ZNG1C: variants seen among roughly 807,000 people sequenced by gnomAD.
ZNG1C encodes the protein zinc-regulated GTPase metalloprotein activator 1C.
the ZNG1C span, chr9:68,299,174 T>G: frequency 8.6e-5 from 122 of 1,423,396 alleles, no homozygotes; most frequent in Non-Finnish European, 1.1e-4. Context: ...TTAAACAGAT[T>G]AACCATTCAG....
chr9:68,293,882 C>T, the ZNG1C span, among the ~76,000 whole-genome samples: 17 of 149,098 alleles, frequency 1.1e-4, no homozygotes, highest in South Asian at 1.7e-3. Flanking sequence ...ACAGAATATA[C>T]GTTCTGTTCA....
chr9:68,292,138 A>G, the ZNG1C span, among the ~76,000 whole-genome samples: 3 of 152,308 alleles, frequency 2.0e-5, no homozygotes, highest in African/African-American at 7.2e-5. Flanking sequence ...GGGAGAGAGT[A>G]CTACATCAAG....
At chr9:68,276,623 G>A in the ZNG1C span, among the ~76,000 whole-genome samples, 51 of 141,578 alleles carry the variant, frequency 3.6e-4, no homozygotes, top group African/African-American at 1.2e-3. Flanking sequence ...GTAGATATGC[G>A]GCGTTATTTC....
the ZNG1C span, among the ~76,000 whole-genome samples, chr9:68,275,644 AG>A: frequency 1.7e-5 from 2 of 117,850 alleles, no homozygotes; most frequent in Admixed American, 9.6e-5. Flanking sequence ...GTCCCTACAA[AG>A]GACATGAACT....
At chr9:68,288,651 T>TTG in the ZNG1C span, among the ~76,000 whole-genome samples, 1 of 13,928 alleles carries the variant, frequency 7.2e-5, no homozygotes, top group Non-Finnish European at 4.8e-4. Context: ...TTTTGTATTT[T>TTG]TTTTTTTTTT....
chr9:68,290,931 T>C, the ZNG1C span, among the ~76,000 whole-genome samples: 1 of 151,604 alleles, frequency 6.6e-6, no homozygotes, highest in Non-Finnish European at 1.5e-5. Context: ...TCAGACTGCA[T>C]AAGATTACGA....
At chr9:68,281,197 G>A in the ZNG1C span, among the ~76,000 whole-genome samples, 4 of 152,210 alleles carry the variant, frequency 2.6e-5, no homozygotes, top group Non-Finnish European at 4.4e-5. Flanking sequence ...GCTTTGGCTC[G>A]CGGATGGAGC....
the ZNG1C span, chr9:68,273,866 G>T: frequency 1.3e-5 from 1 of 76,538 alleles, no homozygotes. Context: ...TTTTGAGGCG[G>T]AGTCTCACTC....
At chr9:68,296,664 C>T in the ZNG1C span, among the ~76,000 whole-genome samples, 3 of 151,952 alleles carry the variant, frequency 2.0e-5, no homozygotes, top group South Asian at 6.2e-4. Flanking sequence ...TTATTTTCTA[C>T]CTTTTTAAAT....
the ZNG1C span, among the ~76,000 whole-genome samples, chr9:68,275,241 A>G: frequency 0.069 from 7,751 of 112,758 alleles, 84 homozygotes; most frequent in East Asian, 0.17. Context: ...TGAAATACAT[A>G]GAAAATTTTA....
the ZNG1C span, among the ~76,000 whole-genome samples, chr9:68,295,891 G>A: frequency 1.4e-5 from 1 of 70,850 alleles, no homozygotes; most frequent in South Asian, 5.1e-4. Flanking sequence ...CAACCACTAT[G>A]GAAAACAGTG....
At chr9:68,262,078 G>A in the ZNG1C span, among the ~76,000 whole-genome samples, 1 of 47,526 alleles carries the variant, frequency 2.1e-5, no homozygotes, top group South Asian at 5.3e-4. Flanking sequence ...TTTGATTTGG[G>A]AAGGTAGGAA....
the ZNG1C span, among the ~76,000 whole-genome samples, chr9:68,275,805 TA>T: frequency 1.4e-5 from 2 of 138,320 alleles, no homozygotes; most frequent in Non-Finnish European, 1.6e-5. Flanking sequence ...TATAGTCCTT[TA>T]GGGTATATAC....
chr9:68,299,099 T>A, the ZNG1C span: 1 of 1,608,980 alleles, frequency 6.2e-7, no homozygotes, highest in Non-Finnish European at 8.5e-7. Context: ...CATTGGTAAG[T>A]CTCAAAGGAT....
chr9:68,296,878 A>G, the ZNG1C span, among the ~76,000 whole-genome samples: 11 of 151,758 alleles, frequency 7.2e-5, no homozygotes, highest in South Asian at 2.1e-4. Flanking sequence ...TGAGAGATTT[A>G]TCAAGATAAA....
the ZNG1C span, among the ~76,000 whole-genome samples, chr9:68,257,987 C>T: frequency 8.3e-6 from 1 of 120,104 alleles, no homozygotes; most frequent in Non-Finnish European, 1.8e-5. Context: ...TCAGAGATTG[C>T]AAAATGAATT....
the ZNG1C span, chr9:68,259,507 G>A: frequency 0.15 from 87,395 of 592,648 alleles, 1,538 homozygotes; most frequent in Admixed American, 0.25. Context: ...ATATCTGAAC[G>A]TGTTAATTTT....
chr9:68,248,821 A>T, the ZNG1C span: 2 of 474,724 alleles, frequency 4.2e-6, no homozygotes, highest in Non-Finnish European at 3.6e-6. Flanking sequence ...ATGGCCTTAG[A>T]GCTATTGAGA....
At chr9:68,281,965 AC>A in the ZNG1C span, among the ~76,000 whole-genome samples, 2 of 152,230 alleles carry the variant, frequency 1.3e-5, no homozygotes, top group African/African-American at 4.8e-5. Flanking sequence ...ATATGTCCAT[AC>A]AAGATCATGA....
Sources: gnomAD v4.1 joint callset for allele counts (sites outside exome capture counted in the v4.1 genomes callset) on GRCh38, gnomAD v4.1.1 for gene constraint, MANE v1.5 for transcripts, NCBI Gene and HGNC (gene_info 2026-07-23, HGNC 2026-07-21) for gene names.